RTKN2: variants seen among roughly 807,000 people sequenced by gnomAD.
RTKN2 encodes the protein rhotekin 2, also known as rhotekin-2.
RTKN2 carries 69 observed loss-of-function variants against 71.5 expected under a neutral mutation model. The ratio of observed to expected loss-of-function variants is 0.96; its 90% CI spans 0.79 to 1.18. The LOEUF (loss-of-function observed/expected upper bound fraction) is 1.18, where lower values mean the gene tolerates loss of function less well. Ranked by LOEUF, RTKN2 falls within the 50% of genes most tolerant of loss-of-function variation. The probability of loss-of-function intolerance (pLI) is 0.00; values close to 1 mark genes in which losing one functional copy is unlikely to be tolerated. For missense variants in RTKN2, 724 were observed against 719.7 expected (o/e 1.01, Z -0.07); for synonymous variants, 236 against 236.5 (o/e 1.00, Z 0.02).
chr10:62,218,084 T>TA, intron 8 of RTKN2, 111 bp downstream of exon 8: 2 of 692,288 alleles, frequency 2.9e-6, no homozygotes, highest in South Asian at 2.0e-5. Context: ...AACTGACATT[T>TA]AAAAAAAGAC....
chr10:62,259,137 T>G, intron 2 of RTKN2: 1 of 440,456 alleles, frequency 2.3e-6, no homozygotes, highest in Non-Finnish European at 4.5e-6. Context: ...TCTGATGGTT[T>G]TATAAAGGGC....
chr10:62,264,647 A>G (rs939895307), intron 1 of RTKN2, among the ~76,000 whole-genome samples: 14 of 152,222 alleles, frequency 9.2e-5, no homozygotes, highest in African/African-American at 3.4e-4. Context: ...AACAAATACC[A>G]TCTGGTGCCA....
At chr10:62,262,930 C>G (rs1564532704) in intron 1 of RTKN2, 109 bp from the exon 2 acceptor site, 1 of 626,032 alleles carries the variant, frequency 1.6e-6, no homozygotes, top group East Asian at 2.9e-5. Flanking sequence ...GAGAAAGCAA[C>G]AAAGTTTTAA....
At position 62,196,234 on chromosome 10, in the gene RTKN2, T is replaced by A; in HGVS notation, c.*1674A>T. ...TTAATGTCATTTATTGAAATGGCAA[T>A]CATAACAGAAACTTATGAGAGCCTT... On this transcript the variant is annotated 3_prime_UTR_variant, in exon 12 of 12. Coordinates refer to ENST00000373789, the MANE Select transcript of RTKN2 (RefSeq NM_145307.4). The A allele has an allele frequency of 1.0e-6, 1 of 974,116 alleles. No homozygotes were observed. The highest frequency in any genetic ancestry group is 1.8e-5 in the African/African-American group (1 of 57,066). 60.3% of individuals were successfully genotyped at this position (974,116 alleles called of 1,614,324 possible). A position where few individuals can be genotyped will look rare whatever the true frequency, so the allele number is the denominator to read the frequency against.
chr10:62,207,502 A>T (rs1841571470), intron 9 of RTKN2, among the ~76,000 whole-genome samples: 1 of 151,840 alleles, frequency 6.6e-6, no homozygotes. Flanking sequence ...AAGTTCATGC[A>T]AGCTGTTTTT....
rs772195407 is a variant in RTKN2, at chr10:62,241,855, C to T, written c.317-660G>A. Among the ~76,000 whole-genome samples, 13 of 152,258 alleles carry T rather than the reference C, an allele frequency of 8.5e-5. 1 individual carries two copies. Among genetic ancestry groups the T allele is most frequent in the Non-Finnish European group, 1.2e-4 (8 of 68,014 alleles). On this transcript the variant is annotated intron_variant, in intron 3 of 11. Transcript: ENST00000373789. ...CTGGGACTACAGGCATGTGCCACCA[C>T]GCCTGGCTAATTTTTTTCTATTTTT...
intron 6 of RTKN2, among the ~76,000 whole-genome samples, chr10:62,234,959 C>T (rs769214470): frequency 6.6e-6 from 1 of 151,910 alleles, no homozygotes; most frequent in Non-Finnish European, 1.5e-5. Flanking sequence ...GAATATTATT[C>T]CCCTAAAAGA....
At chr10:62,264,056 T>C (rs1305294747) in intron 1 of RTKN2, among the ~76,000 whole-genome samples, 2 of 152,176 alleles carry the variant, frequency 1.3e-5, no homozygotes, top group South Asian at 2.1e-4. Context: ...AAAGTGACCA[T>C]CCTAGTTTCT....
rs374102177 is a variant in RTKN2, at chr10:62,217,200, C to T, written c.938G>A (p.Arg313Gln). ...ISWRRLYCVL[R>Q]GGKLYCFYSP... is the part of the protein sequence containing the mutation. ...GTAAAAACAATAGAGTTTACCTCCT[C>T]GCAAAACACAATACAACCTTCTCCA... Residue 313 changes from arginine to glutamine, a missense_variant, in exon 9 of 12, where the codon CGA becomes CAA. Arg to Gln is a conservative substitution (Grantham distance 43, BLOSUM62 1). Transcript: ENST00000373789. The T allele has an allele frequency of 2.3e-5, 37 of 1,602,362 alleles. No homozygotes were observed. The highest frequency in any genetic ancestry group is 3.3e-4 in the Middle Eastern group (2 of 6,060).
chr10:62,222,613 T>G (rs1196029182), intron 7 of RTKN2, among the ~76,000 whole-genome samples: 1 of 152,116 alleles, frequency 6.6e-6, no homozygotes, highest in African/African-American at 2.4e-5. Flanking sequence ...TGAACAAAAG[T>G]AAATAACCCA....
At chr10:62,246,419 C>T (rs1315265577) in intron 2 of RTKN2, among the ~76,000 whole-genome samples, 3 of 152,066 alleles carry the variant, frequency 2.0e-5, no homozygotes, top group Non-Finnish European at 2.9e-5. Flanking sequence ...TATTACATTT[C>T]TAACTTATCA....
At chr10:62,230,761 T>C (rs907872052) in intron 6 of RTKN2, among the ~76,000 whole-genome samples, 2 of 152,298 alleles carry the variant, frequency 1.3e-5, no homozygotes, top group Non-Finnish European at 2.9e-5. Context: ...CAGTGTATCG[T>C]ATTGGCTTTA....
intron 10 of RTKN2, among the ~76,000 whole-genome samples, chr10:62,200,106 G>A (rs1228708569): frequency 1.3e-5 from 2 of 152,084 alleles, no homozygotes; most frequent in African/African-American, 2.4e-5. Context: ...GCTCATGCCT[G>A]TAATCCCAGC....
chr10:62,226,184 T>C (rs1842019813), intron 6 of RTKN2, among the ~76,000 whole-genome samples: 1 of 152,160 alleles, frequency 6.6e-6, no homozygotes, highest in African/African-American at 2.4e-5. Flanking sequence ...ACGAGTATAT[T>C]AAAAGAGAGA....
chr10:62,248,125 T>G (rs1487694428), intron 2 of RTKN2, among the ~76,000 whole-genome samples: 1 of 152,092 alleles, frequency 6.6e-6, no homozygotes, highest in Non-Finnish European at 1.5e-5. Context: ...CCCCTGCAAT[T>G]ATAAATTATT....
intron 3 of RTKN2, among the ~76,000 whole-genome samples, chr10:62,242,795 A>G (rs376195480): frequency 2.0e-5 from 3 of 151,736 alleles, no homozygotes; most frequent in African/African-American, 7.2e-5. Flanking sequence ...ACACCCGGCT[A>G]ATTTTTTGAT....
intron 2 of RTKN2, among the ~76,000 whole-genome samples, chr10:62,250,132 A>G (rs529270416): frequency 6.6e-6 from 1 of 152,308 alleles, no homozygotes; most frequent in Admixed American, 6.5e-5. Flanking sequence ...TGCATATAAG[A>G]ATGAGGTGGG....
At chr10:62,216,917 T>C (rs978860386) in intron 9 of RTKN2, among the ~76,000 whole-genome samples, 4 of 152,172 alleles carry the variant, frequency 2.6e-5, no homozygotes, top group African/African-American at 7.2e-5. Flanking sequence ...TCCATTACTA[T>C]GTTTTCTTAG....
chr10:62,189,852 CT>C (rs34781086), downstream of RTKN2, among the ~76,000 whole-genome samples: 99 of 146,314 alleles, frequency 6.8e-4, no homozygotes, highest in East Asian at 5.2e-3. Context: ...ATTCACCCAC[CT>C]TTTTTTTTTT....
Sources: allele counts gnomAD v4.1 joint callset (sites outside exome capture counted in the v4.1 genomes callset), GRCh38; gene constraint gnomAD v4.1.1; transcripts MANE v1.5; gene names NCBI Gene and HGNC (gene_info 2026-07-23, HGNC 2026-07-21).